The following COA8 variants were observed in gnomAD, a reference collection of about 807,000 sequenced individuals.
COA8 encodes cytochrome c oxidase assembly factor 8.
Under a neutral mutation model 22.0 loss-of-function variants are expected in COA8, and 20 were observed. That is an observed-to-expected ratio of 0.91 (90% confidence interval 0.64 to 1.32). COA8 has a LOEUF of 1.32. Ranked by LOEUF, COA8 falls within the 40% of genes most tolerant of loss-of-function variation. COA8 has a pLI of 0.00. For missense variants in COA8, 266 were observed against 230.0 expected (o/e 1.16, Z -1.01); for synonymous variants, 105 against 79.9 (o/e 1.31, Z -1.68).
intron 1 of COA8, among the ~76,000 whole-genome samples, chr14:103,564,069 C>G (rs1029176931): frequency 4.6e-5 from 7 of 151,928 alleles, no homozygotes; most frequent in Admixed American, 3.9e-4. Flanking sequence ...AGGAAAATCG[C>G]TTGAACCCGG....
chr14:103,585,112 T>C (rs1158768596), intron 3 of COA8, among the ~76,000 whole-genome samples: 3 of 151,956 alleles, frequency 2.0e-5, no homozygotes, highest in African/African-American at 7.3e-5. Flanking sequence ...CACTCCAGCC[T>C]GGGTGACAGA....
chr14:103,566,158 G>C (rs143933724), intron 1 of COA8, among the ~76,000 whole-genome samples: 87 of 152,100 alleles, frequency 5.7e-4, no homozygotes, highest in African/African-American at 2.0e-3. Context: ...AGGCATGGTG[G>C]CTCACACCTT....
intron 3 of COA8, among the ~76,000 whole-genome samples, chr14:103,586,680 G>A (rs1345491202): frequency 1.3e-5 from 2 of 148,606 alleles, no homozygotes; most frequent in Non-Finnish European, 3.0e-5. Flanking sequence ...TTTTGCCCAG[G>A]CTGGAGTGAA....
At position 103,581,795 on chromosome 14, in the gene COA8, G is replaced by A. The variant is rs1023956812; in HGVS notation, c.386-5479G>A. On this transcript the variant is annotated intron_variant, in intron 3 of 4. Coordinates refer to ENST00000409074, the MANE Select transcript of COA8 (RefSeq NM_001370595.2). This position sits in a 1 kb window ranked among gnomAD's most constrained non-coding sequence, Gnocchi z 4.1. ...CCGGTGGCACTAGACCTGCCCGGGC[G>A]GCCAGAGGACACGTGGCTCCTGTCC... The A allele has an allele frequency of 1.0e-5, 4 of 393,822 alleles. No individual in the cohort carries two copies. Among genetic ancestry groups the A allele is most frequent in the South Asian group, 1.4e-4 (1 of 7,000 alleles). 24.4% of individuals were successfully genotyped at this position (393,822 alleles called of 1,614,324 possible).
intron 3 of COA8, among the ~76,000 whole-genome samples, chr14:103,576,464 TA>T (rs1352629200): frequency 2.6e-5 from 4 of 152,108 alleles, no homozygotes; most frequent in Non-Finnish European, 5.9e-5. Flanking sequence ...TTCAAGAACA[TA>T]AAAGCTGAAA....
chr14:103,571,901 G>C (rs2076190131), intron 2 of COA8, 81 bp downstream of exon 2: 1 of 1,221,540 alleles, frequency 8.2e-7, no homozygotes, highest in South Asian at 1.3e-5. Context: ...GCCGAGGTGG[G>C]CAGATCACGA....
intron 3 of COA8, among the ~76,000 whole-genome samples, chr14:103,584,050 G>T (rs916990070): frequency 6.6e-6 from 1 of 151,956 alleles, no homozygotes; most frequent in Non-Finnish European, 1.5e-5. Context: ...TTGTTTGTTT[G>T]TTTTTTTGAG....
chr14:103,567,127 C>T (rs1184036899), intron 1 of COA8, among the ~76,000 whole-genome samples: 18 of 152,082 alleles, frequency 1.2e-4, no homozygotes, highest in Admixed American at 1.2e-3. Flanking sequence ...AATCTCAGCA[C>T]GTTGGAAGGC....
In COA8 at chr14:103,587,229, C is replaced by T. The variant is rs1436160554; in HGVS notation, c.386-45C>T. The T allele has an allele frequency of 3.3e-6, 5 of 1,534,436 alleles. No homozygotes were observed. The Admixed American group carries it at 5.5e-5, about 17-fold the overall frequency. On this transcript the variant is annotated intron_variant, in intron 3 of 4. Coordinates refer to ENST00000409074, the MANE Select transcript of COA8 (RefSeq NM_001370595.2). ...TTAGCTCTAATAGTTTTTTGTTTATCCTTTCTCCTTAAGTCTTAATGTTTA... is the reference window on the plus strand; with the variant it reads ...TTAGCTCTAATAGTTTTTTGTTTATTCTTTCTCCTTAAGTCTTAATGTTTA...
At position 103,590,366 on chromosome 14, in the gene COA8, CTG is replaced by C. The variant is rs1280981186; in HGVS notation, c.*81_*82del. On this transcript the variant is annotated 3_prime_UTR_variant, in exon 5 of 5. Coordinates refer to ENST00000409074, the MANE Select transcript of COA8 (RefSeq NM_001370595.2). ...CCTTTCACAGGGGCTCTGAGAAAAA[CTG>C]GAGCTGATCTCAAGAAGCCCCACAT... The C allele has an allele frequency of 3.0e-6, 4 of 1,340,244 alleles. No homozygotes were observed. The African/African-American group carries it at 4.4e-5, about 15-fold the overall frequency. The allele number at this position is 1,340,244 out of a possible 1,614,324, so 83.0% of individuals were successfully genotyped here.
At chr14:103,582,962 A>G (rs1269826259) in intron 3 of COA8, among the ~76,000 whole-genome samples, 1 of 152,084 alleles carries the variant, frequency 6.6e-6, no homozygotes, top group Non-Finnish European at 1.5e-5. Context: ...GGATTTGCCT[A>G]TTCTGAACAT....
chr14:103,586,290 C>T (rs1206209204), intron 3 of COA8, among the ~76,000 whole-genome samples: 1 of 150,056 alleles, frequency 6.7e-6, no homozygotes, highest in Non-Finnish European at 1.5e-5. Context: ...TCACTGCAAC[C>T]TTGAACTCCT....
intron 4 of COA8, 130 bp from the exon 5 acceptor site, chr14:103,590,051 C>A: frequency 1.4e-6 from 1 of 733,826 alleles, no homozygotes; most frequent in Non-Finnish European, 2.3e-6. Flanking sequence ...TTAACAAGGG[C>A]AGGGAAAGGG....
At chr14:103,589,992 G>A (rs1368276769) in intron 4 of COA8, among the ~76,000 whole-genome samples, 189 bp from the exon 5 acceptor site, 1 of 152,132 alleles carries the variant, frequency 6.6e-6, no homozygotes, top group Non-Finnish European at 1.5e-5. Flanking sequence ...TCGCCAGTGG[G>A]CCTCACTCTC....
At chr14:103,568,496 T>TAC (rs2076152748) in intron 1 of COA8, among the ~76,000 whole-genome samples, 1 of 151,786 alleles carries the variant, frequency 6.6e-6, no homozygotes, top group Admixed American at 6.6e-5. Context: ...CACATATATA[T>TAC]ACACACATGT....
chr14:103,590,368 G>A lies in COA8; in HGVS notation c.*82G>A, dbSNP rs1401401065. ...TTTCACAGGGGCTCTGAGAAAAACTGGAGCTGATCTCAAGAAGCCCCACAT... is the reference window on the plus strand; with the variant it reads ...TTTCACAGGGGCTCTGAGAAAAACTAGAGCTGATCTCAAGAAGCCCCACAT... On this transcript the variant is annotated 3_prime_UTR_variant, in exon 5 of 5. Coordinates refer to ENST00000409074, the MANE Select transcript of COA8 (RefSeq NM_001370595.2). 27 of 1,324,060 alleles carry A rather than the reference G, an allele frequency of 2.0e-5. No individual in the cohort carries two copies. The highest frequency in any genetic ancestry group is 2.4e-5 in the Non-Finnish European group (23 of 946,924). 82.0% of individuals were successfully genotyped at this position (1,324,060 alleles called of 1,614,324 possible). A position where few individuals can be genotyped will look rare whatever the true frequency, so the allele number is the denominator to read the frequency against.
chr14:103,571,600 T>G, intron 1 of COA8, 23 bp from the exon 2 acceptor site: 1 of 1,584,508 alleles, frequency 6.3e-7, no homozygotes, highest in Non-Finnish European at 8.7e-7. Context: ...TGTCATATGT[T>G]AATCCAATTT....
rs770615873 is a variant in COA8, at chr14:103,571,645, G to A, written c.146G>A (p.Arg49Lys). ...AAGGTCTCAAGATTCTGCCCTCCAA[G>A]AAAGTCTTGCCATGATTGGATAGGA... ...PSGVSRFCPP[R>K]KSCHDWIGPP... Residue 49 changes from arginine (R) to lysine (K), a missense_variant, in exon 2 of 5, where the codon AGA (arginine) becomes AAA (lysine). Physicochemically the swap from Arg to Lys is conservative, Grantham distance 26 (BLOSUM62 2). Coordinates refer to ENST00000409074, the MANE Select transcript of COA8 (RefSeq NM_001370595.2). 6.2e-7 allele frequency: 1 copy of A among 1,614,158 alleles called. No homozygotes were observed. The highest frequency in any genetic ancestry group is 1.1e-5 in the South Asian group (1 of 91,078).
chr14:103,573,169 C>CT (rs1007964622), intron 2 of COA8, among the ~76,000 whole-genome samples: 29 of 147,696 alleles, frequency 2.0e-4, no homozygotes, highest in Middle Eastern at 3.5e-3. Context: ...AAACATTTAA[C>CT]TTTTTTTTTT....
Sources: allele counts gnomAD v4.1 joint callset (sites outside exome capture counted in the v4.1 genomes callset), GRCh38; gene constraint gnomAD v4.1.1; non-coding constraint Gnocchi (gnomAD v3.1); transcripts MANE v1.5; gene names NCBI Gene and HGNC (gene_info 2026-07-23, HGNC 2026-07-21).